The following TAMM41 variants were observed in gnomAD, a reference collection of about 807,000 sequenced individuals.
TAMM41 encodes the protein phosphatidate cytidylyltransferase, mitochondrial.
A neutral mutation model predicts 44.1 loss-of-function variants in TAMM41; 36 were observed. That is an observed-to-expected ratio of 0.82 (90% CI 0.63 to 1.08). TAMM41 has a LOEUF of 1.08. Ranked by LOEUF, TAMM41 falls within the 50% of genes least tolerant of loss-of-function variation. The pLI is 0.00. For synonymous variants in TAMM41, 164 were observed against 153.1 expected (o/e 1.07, Z -0.53); for missense variants, 417 against 404.3 (o/e 1.03, Z -0.27).
chr3:11,770,604 CT>C, the TAMM41 span, among the ~76,000 whole-genome samples: 2 of 152,202 alleles, frequency 1.3e-5, no homozygotes, highest in African/African-American at 4.8e-5. Context: ...TGAGCGCGTG[CT>C]GATCTGAAGC....
chr3:11,818,463 T>C (rs899665101), intron 4 of TAMM41, among the ~76,000 whole-genome samples: 3 of 152,140 alleles, frequency 2.0e-5, no homozygotes, highest in African/African-American at 7.2e-5. Flanking sequence ...TGGCTTGTTT[T>C]AGAAAAAGTA....
chr3:11,835,804 C>G (rs1396225434), intron 3 of TAMM41, among the ~76,000 whole-genome samples: 1 of 152,078 alleles, frequency 6.6e-6, no homozygotes, highest in Admixed American at 6.5e-5. Flanking sequence ...ATTTCAGAAC[C>G]CTCTGAGGTC....
chr3:11,752,624 G>GTTTTTTTTTT, the TAMM41 span, among the ~76,000 whole-genome samples: 1 of 64,950 alleles, frequency 1.5e-5, no homozygotes, highest in Non-Finnish European at 3.3e-5. Flanking sequence ...TTCTTACAAA[G>GTTTTTTTTTT]CTTTTTTTTT....
At chr3:11,738,408 A>G in the TAMM41 span, among the ~76,000 whole-genome samples, 2 of 152,218 alleles carry the variant, frequency 1.3e-5, no homozygotes, top group Admixed American at 6.5e-5. Flanking sequence ...GTATTAAACA[A>G]GATGATGTGT....
chr3:11,727,712 C>T, the TAMM41 span, among the ~76,000 whole-genome samples: 6,620 of 152,076 alleles, frequency 0.044, 176 homozygotes, highest in Middle Eastern at 0.048. Flanking sequence ...GTGATCCTCC[C>T]GCCTTGGCCT....
chr3:11,810,519 T>C (rs183733301), intron 5 of TAMM41, among the ~76,000 whole-genome samples: 4 of 152,328 alleles, frequency 2.6e-5, no homozygotes, highest in Admixed American at 6.5e-5. Flanking sequence ...CTTGTAAACA[T>C]TGATTTCCTG....
In TAMM41 at chr3:11,846,558, C is replaced by A; in HGVS notation, c.79G>T (p.Ala27Ser). The change falls in exon 1 of 8, where the codon GCT becomes TCT. Residue 27 changes from alanine (A) to serine (S), a missense_variant. Physicochemically the swap from Ala to Ser is moderately conservative, Grantham distance 99. Transcript: ENST00000455809. ...TACACCCCGGAGCCGTAGACGAAAG[C>A]CAGACTCAGCTCCTCGGGGAAGTGA... Reference protein sequence around the residue: ...LSHFPEELSLAFVYGSGVYRQ... With the variant: ...LSHFPEELSLSFVYGSGVYRQ... The A allele has an allele frequency of 6.2e-7, 1 of 1,614,234 alleles. No homozygotes were observed. The highest frequency in any genetic ancestry group is 1.1e-5 in the South Asian group (1 of 91,084).
intron 7 of TAMM41, among the ~76,000 whole-genome samples, chr3:11,803,401 C>A (rs1378971518): frequency 6.6e-5 from 10 of 151,546 alleles, no homozygotes; most frequent in African/African-American, 1.7e-4. Context: ...CAAAAAAAAA[C>A]AAAAAACAAA....
intron 5 of TAMM41, among the ~76,000 whole-genome samples, chr3:11,810,522 A>G (rs990373401): frequency 6.6e-6 from 1 of 152,196 alleles, no homozygotes; most frequent in African/African-American, 2.4e-5. Flanking sequence ...GTAAACATTG[A>G]TTTCCTGCCA....
chr3:11,775,651 T>G, the TAMM41 span, among the ~76,000 whole-genome samples: 1 of 152,226 alleles, frequency 6.6e-6, no homozygotes, highest in Non-Finnish European at 1.5e-5. Context: ...CATTTGATCC[T>G]AAAGATAACC....
the TAMM41 span, among the ~76,000 whole-genome samples, chr3:11,766,996 A>G: frequency 8.5e-5 from 13 of 152,246 alleles, no homozygotes; most frequent in African/African-American, 2.6e-4. Context: ...ACATTTTGCA[A>G]TGCTGTAATA....
At chr3:11,828,069 G>C (rs1368435674) in intron 4 of TAMM41, among the ~76,000 whole-genome samples, 1 of 152,182 alleles carries the variant, frequency 6.6e-6, no homozygotes, top group Non-Finnish European at 1.5e-5. Flanking sequence ...CATATTCTCA[G>C]GGCTTCGGAG....
chr3:11,780,828 C>T, the TAMM41 span, among the ~76,000 whole-genome samples: 2 of 152,144 alleles, frequency 1.3e-5, no homozygotes, highest in African/African-American at 4.8e-5. Flanking sequence ...CTCCAGGGCT[C>T]CAGCTCTTGG....
chr3:11,807,275 A>C, intron 7 of TAMM41: 1 of 1,437,996 alleles, frequency 7.0e-7, no homozygotes, highest in Middle Eastern at 2.5e-4. Context: ...CCAGACAACT[A>C]TATTAGGAGG....
intron 7 of TAMM41, among the ~76,000 whole-genome samples, chr3:11,797,167 CA>C (rs1343979530): frequency 6.6e-6 from 1 of 152,034 alleles, no homozygotes; most frequent in African/African-American, 2.4e-5. Context: ...CATATGGAAC[CA>C]AAAGAGCCCG....
intron 7 of TAMM41, among the ~76,000 whole-genome samples, chr3:11,796,133 G>A (rs1030710526): frequency 2.4e-4 from 37 of 152,342 alleles, no homozygotes; most frequent in African/African-American, 8.2e-4. Context: ...CAAAGCATCA[G>A]TGAGACTGCA....
intron 4 of TAMM41, among the ~76,000 whole-genome samples, chr3:11,820,368 G>A (rs1177285394): frequency 6.6e-6 from 1 of 152,052 alleles, no homozygotes; most frequent in Non-Finnish European, 1.5e-5. Flanking sequence ...TCTGAGAGAA[G>A]GATTTACCAT....
the TAMM41 span, among the ~76,000 whole-genome samples, chr3:11,773,837 C>T: frequency 1.3e-5 from 2 of 152,064 alleles, no homozygotes; most frequent in Non-Finnish European, 2.9e-5. Flanking sequence ...GCCTGTAATC[C>T]CAGCACTTTG....
intron 3 of TAMM41, among the ~76,000 whole-genome samples, chr3:11,835,733 A>T (rs1439929519): frequency 1.3e-5 from 2 of 152,244 alleles, no homozygotes; most frequent in African/African-American, 4.8e-5. Flanking sequence ...AATAACTGAG[A>T]TAAGCAAAGG....
Sources: gnomAD v4.1 joint callset for allele counts (sites outside exome capture counted in the v4.1 genomes callset) on GRCh38, gnomAD v4.1.1 for gene constraint, MANE v1.5 for transcripts, NCBI Gene and HGNC (gene_info 2026-07-23, HGNC 2026-07-21) for gene names.